The following CCDC144A variants were observed in gnomAD, a reference collection of about 807,000 sequenced individuals.
CCDC144A encodes the protein coiled-coil domain containing 144A, also known as coiled-coil domain-containing protein 144A.
In CCDC144A, 41 loss-of-function variants were observed where a neutral mutation model predicts 143.8. The observed-to-expected ratio is 0.29, with a 90% CI of 0.22 to 0.37. The LOEUF (loss-of-function observed/expected upper bound fraction) is 0.37. CCDC144A is among the 10% of genes least tolerant of loss of function. The probability of loss-of-function intolerance (pLI) is 1.00; values close to 1 mark genes in which losing one functional copy is unlikely to be tolerated. For missense variants in CCDC144A, 637 were observed against 1,488.8 expected (o/e 0.43, Z 9.41); for synonymous variants, 242 against 517.9 (o/e 0.47, Z 7.23).
intron 12 of CCDC144A, among the ~76,000 whole-genome samples, chr17:16,759,963 TC>T (rs1406260163): frequency 2.6e-5 from 4 of 152,226 alleles, no homozygotes; most frequent in African/African-American, 9.7e-5. Context: ...ACTAGAATCA[TC>T]TAAAGGCTTG....
chr17:16,719,344 A>T (rs1238942015), intron 6 of CCDC144A, among the ~76,000 whole-genome samples: 1 of 152,056 alleles, frequency 6.6e-6, no homozygotes, highest in Admixed American at 6.5e-5. Flanking sequence ...TAGTTTTTTG[A>T]AAGTAGGTTT....
chr17:16,696,048 TC>T (rs1911380338), intron 2 of CCDC144A, among the ~76,000 whole-genome samples: 1 of 152,160 alleles, frequency 6.6e-6, no homozygotes, highest in African/African-American at 2.4e-5. Flanking sequence ...AAAGTCTCAC[TC>T]CGTCACCCAG....
intron 8 of CCDC144A, among the ~76,000 whole-genome samples, chr17:16,722,681 C>T (rs1913161166): frequency 6.6e-6 from 1 of 152,086 alleles, no homozygotes; most frequent in African/African-American, 2.4e-5. Flanking sequence ...TCATCTTTTC[C>T]CACCTTCCCT....
chr17:16,772,282 T>C (rs954339001), intron 16 of CCDC144A, among the ~76,000 whole-genome samples: 6 of 152,068 alleles, frequency 3.9e-5, no homozygotes, highest in African/African-American at 1.5e-4. Context: ...CCCTATGGAA[T>C]TGTCAGCCAG....
At position 16,777,508 on chromosome 17, in the gene CCDC144A, G is replaced by A. The variant is rs1451109944; in HGVS notation, c.*3875G>A. The A allele has an allele frequency of 7.6e-6, 1 of 132,194 alleles. No individual in the cohort carries two copies. The highest frequency in any genetic ancestry group is 3.1e-5 in the African/African-American group (1 of 31,910). 8.2% of individuals were successfully genotyped at this position (132,194 alleles called of 1,614,324 possible). A position where few individuals can be genotyped will look rare whatever the true frequency, so the allele number is the denominator to read the frequency against. On this transcript the variant is annotated 3_prime_UTR_variant, in exon 17 of 17. Transcript: ENST00000399273. ...TTTAAGAAAATCAGAATTATATCAA[G>A]TACTCTCTCAGACCACAGTGGAATA...
chr17:16,761,054 G>A (rs1289563733), intron 12 of CCDC144A, among the ~76,000 whole-genome samples: 40 of 150,224 alleles, frequency 2.7e-4, no homozygotes, highest in African/African-American at 9.1e-4. Context: ...TTGGCTGGGC[G>A]CGGTGGCTCA....
intron 12 of CCDC144A, among the ~76,000 whole-genome samples, chr17:16,748,239 T>A (rs1321612026): frequency 6.6e-6 from 1 of 152,106 alleles, no homozygotes; most frequent in Non-Finnish European, 1.5e-5. Flanking sequence ...TGTTATAGAG[T>A]GGCCTTTATT....
chr17:16,746,223 C>G, intron 12 of CCDC144A: 1 of 1,382,590 alleles, frequency 7.2e-7, no homozygotes, highest in Non-Finnish European at 9.8e-7. Context: ...AAGCTTAATC[C>G]TTACTTCTTT....
At chr17:16,763,293 T>C (rs1227206746) in intron 14 of CCDC144A, among the ~76,000 whole-genome samples, 3 of 151,760 alleles carry the variant, frequency 2.0e-5, no homozygotes, top group Non-Finnish European at 4.4e-5. Flanking sequence ...TCAGCAGTCT[T>C]ATTCTCCCCA....
In CCDC144A at chr17:16,724,787, A is replaced by ATTTTTTTTTTTTTTTTTTTTTT. The variant is rs760344292; in HGVS notation, c.1892-2725_1892-2704dup. Among the ~76,000 whole-genome samples the ATTTTTTTTTTTTTTTTTTTTTT allele has an allele frequency of 3.7e-4, 13 of 35,068 alleles. 5 individuals carry two copies. Among genetic ancestry groups the ATTTTTTTTTTTTTTTTTTTTTT allele is most frequent in the Non-Finnish European group, 4.7e-4 (9 of 19,348 alleles). The allele number at this position is 35,068 out of a possible 152,430, so 23.0% of individuals were successfully genotyped here. ...AGATTACACGTTCTTGATTAACTGA[A>ATTTTTTTTTTTTTTTTTTTTTT]TTTTTTTTTTTTTTTTTTTTTTTTT... On this transcript the variant is annotated intron_variant, in intron 8 of 16. Transcript: ENST00000399273.
chr17:16,697,762 A>T (rs1260896131), intron 2 of CCDC144A, among the ~76,000 whole-genome samples: 2 of 152,334 alleles, frequency 1.3e-5, no homozygotes, highest in Non-Finnish European at 2.9e-5. Flanking sequence ...GGAAATATAA[A>T]CATAAAATAA....
At chr17:16,734,029 A>G (rs909767207) in intron 11 of CCDC144A, among the ~76,000 whole-genome samples, 1 of 151,734 alleles carries the variant, frequency 6.6e-6, no homozygotes, top group Non-Finnish European at 1.5e-5. Context: ...TAGTTCAGCT[A>G]CCCAGGAGGC....
At chr17:16,745,790 T>C (rs1914472963) in intron 12 of CCDC144A, 2 of 1,611,456 alleles carry the variant, frequency 1.2e-6, no homozygotes, top group African/African-American at 1.3e-5. Flanking sequence ...TTCTGGGTGC[T>C]GGACTGTCGT....
chr17:16,755,438 G>A (rs1301603424), intron 12 of CCDC144A, among the ~76,000 whole-genome samples: 1 of 152,068 alleles, frequency 6.6e-6, no homozygotes, highest in Non-Finnish European at 1.5e-5. Context: ...TTTTCATGGT[G>A]GTAGACATTG....
At chr17:16,705,538 T>C (rs1474851099) in intron 3 of CCDC144A, 139 bp downstream of exon 3, 20 of 827,102 alleles carry the variant, frequency 2.4e-5, no homozygotes, top group Non-Finnish European at 2.9e-5. Flanking sequence ...AGAATACTTT[T>C]TGGCAGGATA....
intron 12 of CCDC144A, among the ~76,000 whole-genome samples, chr17:16,756,987 G>A (rs1915119186): frequency 6.6e-6 from 1 of 152,278 alleles, no homozygotes; most frequent in Non-Finnish European, 1.5e-5. Context: ...GAGGACAGCA[G>A]GCCAGTCCTC....
chr17:16,728,963 C>T (rs1334291554), intron 9 of CCDC144A, among the ~76,000 whole-genome samples: 1 of 152,134 alleles, frequency 6.6e-6, no homozygotes, highest in Non-Finnish European at 1.5e-5. Context: ...CATATATATA[C>T]CACATATTAT....
intron 12 of CCDC144A, chr17:16,745,946 G>A (rs1914482453): frequency 6.2e-7 from 1 of 1,605,606 alleles, no homozygotes; most frequent in East Asian, 2.2e-5. Flanking sequence ...CAGGCTCGTG[G>A]TGAGCTCTGT....
At chr17:16,709,662 TG>T (rs757107880) in intron 5 of CCDC144A, 27 bp downstream of exon 5, 11 of 1,602,318 alleles carry the variant, frequency 6.9e-6, no homozygotes, top group Admixed American at 1.7e-5. Flanking sequence ...TGCCACTCTT[TG>T]TTTTTTCTCT....
Sources: allele counts gnomAD v4.1 joint callset (sites outside exome capture counted in the v4.1 genomes callset), GRCh38; gene constraint gnomAD v4.1.1; transcripts MANE v1.5; gene names NCBI Gene and HGNC (gene_info 2026-07-23, HGNC 2026-07-21).